The following KCNA2 variants were observed in gnomAD, a reference collection of about 807,000 sequenced individuals.
KCNA2 encodes potassium voltage-gated channel subfamily A member 2, also known as potassium channel, voltage gated shaker related subfamily A, member 2.
Under a neutral mutation model 33.4 loss-of-function variants are expected in KCNA2, and 11 were observed. The observed-to-expected ratio is 0.33, with a 90% CI of 0.21 to 0.55. The LOEUF is 0.55. Among genes scored for constraint, KCNA2 ranks in the 20% least tolerant of loss-of-function variants. KCNA2 has a pLI of 0.93. For synonymous variants in KCNA2, 222 were observed against 231.3 expected (o/e 0.96, Z 0.37); for missense variants, 291 against 621.6 (o/e 0.47, Z 5.66).
intron 1 of KCNA2, among the ~76,000 whole-genome samples, chr1:110,624,860 G>C (rs1650352061): frequency 6.6e-6 from 1 of 152,184 alleles, no homozygotes; most frequent in South Asian, 2.1e-4. Context: ...TCTTGGAGAT[G>C]GAGGTTGATA....
chr1:110,625,579 A>G (rs1306465094), intron 1 of KCNA2, among the ~76,000 whole-genome samples: 2 of 152,218 alleles, frequency 1.3e-5, no homozygotes, highest in Admixed American at 6.5e-5. Context: ...CTAAAGCCAT[A>G]AAACAAAAAA....
intron 1 of KCNA2, among the ~76,000 whole-genome samples, chr1:110,627,855 C>A (rs1162270268): frequency 6.6e-6 from 1 of 151,638 alleles, no homozygotes; most frequent in Non-Finnish European, 1.5e-5. Flanking sequence ...ATAATAATGC[C>A]AGGCTTGATG....
chr1:110,628,941 C>A (rs1376515540), intron 1 of KCNA2, among the ~76,000 whole-genome samples: 1 of 152,148 alleles, frequency 6.6e-6, no homozygotes, highest in Non-Finnish European at 1.5e-5. Flanking sequence ...AGAGCTGATT[C>A]CCCTGGGAAT....
intron 1 of KCNA2, among the ~76,000 whole-genome samples, chr1:110,629,910 G>A (rs997948238): frequency 4.0e-5 from 6 of 151,790 alleles, no homozygotes; most frequent in East Asian, 3.9e-4. Context: ...TTTATCATTT[G>A]AATTCATGTA....
rs544069515 is a variant in KCNA2, at chr1:110,598,992, C to A, written c.*4291G>T. ...CCACAGAGGCACTTGATGAAGCCAA[C>A]AGGAATGGTACCTTGACCTGGAAAC... On this transcript the variant is annotated 3_prime_UTR_variant, in exon 3 of 3. Coordinates refer to ENST00000316361, the MANE Select transcript of KCNA2 (RefSeq NM_004974.4). 4.1e-6 allele frequency: 4 copies of A among 985,396 alleles called. No homozygotes were observed. The East Asian group carries it at 3.4e-4, about 84-fold the overall frequency. The allele number at this position is 985,396 out of a possible 1,614,324, so 61.0% of individuals were successfully genotyped here.
rs1419829094 is a variant in KCNA2, at chr1:110,595,804, G to C, written c.*7479C>G. On this transcript the variant is annotated 3_prime_UTR_variant, in exon 3 of 3. Coordinates refer to ENST00000316361, the MANE Select transcript of KCNA2 (RefSeq NM_004974.4). Reference sequence around the variant, plus strand: ...TTGATTGCCACAAACCTCACCTTCTGTGTGGCAGAGATGTGCTTTAGTTCT... The same window carrying C: ...TTGATTGCCACAAACCTCACCTTCTCTGTGGCAGAGATGTGCTTTAGTTCT... The C allele has an allele frequency of 2.0e-6, 2 of 985,326 alleles. No homozygotes were observed. The highest frequency in any genetic ancestry group is 1.7e-5 in the African/African-American group (1 of 57,238). 61.0% of individuals were successfully genotyped at this position (985,326 alleles called of 1,614,324 possible).
At chr1:110,625,199 A>G (rs1322384493) in intron 1 of KCNA2, among the ~76,000 whole-genome samples, 4 of 152,186 alleles carry the variant, frequency 2.6e-5, no homozygotes, top group Non-Finnish European at 5.9e-5. Context: ...TAAATACATT[A>G]TTTGTAATGG....
At chr1:110,619,653 C>T (rs1276255235) in intron 1 of KCNA2, among the ~76,000 whole-genome samples, 1 of 152,238 alleles carries the variant, frequency 6.6e-6, no homozygotes, top group African/African-American at 2.4e-5. Context: ...GGCTTCTTAA[C>T]CAGCCGCGCC....
Position 110,596,004 on chromosome 1 carries a change from G to A in KCNA2, c.*7279C>T. Reference sequence around the variant, plus strand: ...CAGTGATGAGGTTATAGCCAACCAGGGCAGACAGAAGAAAGGCTAAAGCAC... The same window carrying A: ...CAGTGATGAGGTTATAGCCAACCAGAGCAGACAGAAGAAAGGCTAAAGCAC... On this transcript the variant is annotated 3_prime_UTR_variant, in exon 3 of 3. Coordinates refer to ENST00000316361, the MANE Select transcript of KCNA2 (RefSeq NM_004974.4). 2 of 985,370 alleles carry A rather than the reference G, an allele frequency of 2.0e-6. No individual in the cohort carries two copies. Among genetic ancestry groups the A allele is most frequent in the Non-Finnish European group, 2.4e-6 (2 of 829,910 alleles). 61.0% of individuals were successfully genotyped at this position (985,370 alleles called of 1,614,324 possible).
At position 110,598,220 on chromosome 1, in the gene KCNA2, C is replaced by A. The variant is rs1409439014; in HGVS notation, c.*5063G>T. 7.6e-6 allele frequency: 4 copies of A among 525,126 alleles called. No homozygotes were observed. Among genetic ancestry groups the A allele is most frequent in the Non-Finnish European group, 7.3e-6 (3 of 409,674 alleles). The allele number at this position is 525,126 out of a possible 1,614,324, so 32.5% of individuals were successfully genotyped here. A position where few individuals can be genotyped will look rare whatever the true frequency, so the allele number is the denominator to read the frequency against. On this transcript the variant is annotated 3_prime_UTR_variant, in exon 3 of 3. Transcript: ENST00000316361. ...GCCCTCGCAGATGAGGCGGCCATCA[C>A]CCACATACAAGTTATTATGACAATG...
chr1:110,596,183 A>G lies in KCNA2; in HGVS notation c.*7100T>C. On this transcript the variant is annotated 3_prime_UTR_variant, in exon 3 of 3. Transcript: ENST00000316361. ...AGAAAAAAAAAGAGTAGAACTGGAG[A>G]GGTGAAAAGAATGCAAAGGAGGTCA... 2 of 985,244 alleles carry G rather than the reference A, an allele frequency of 2.0e-6. No homozygotes were observed. Among genetic ancestry groups the G allele is most frequent in the Non-Finnish European group, 2.4e-6 (2 of 829,798 alleles). The allele number at this position is 985,244 out of a possible 1,614,324, so 61.0% of individuals were successfully genotyped here.
chr1:110,628,985 C>T (rs924049887), intron 1 of KCNA2, among the ~76,000 whole-genome samples: 1 of 152,186 alleles, frequency 6.6e-6, no homozygotes. Context: ...GGTTTTACCT[C>T]TTTCTTGGCA....
At chr1:110,629,824 CGA>C (rs1650499459) in intron 1 of KCNA2, among the ~76,000 whole-genome samples, 1 of 151,874 alleles carries the variant, frequency 6.6e-6, no homozygotes, top group African/African-American at 2.4e-5. Flanking sequence ...TTAATTAAGA[CGA>C]GAGAAAAACG....
chr1:110,607,441 G>C (rs1321737115), upstream of KCNA2: 2 of 152,322 alleles, frequency 1.3e-5, no homozygotes, highest in African/African-American at 2.4e-5. Flanking sequence ...CACCTGGCTC[G>C]ACGGCGAACT....
intron 1 of KCNA2, among the ~76,000 whole-genome samples, chr1:110,613,461 A>G (rs56360603): frequency 0.18 from 27,194 of 152,258 alleles, 3,470 homozygotes; most frequent in East Asian, 0.41. Context: ...GCAGATGCAC[A>G]GCCTCTATGG....
At chr1:110,630,974 G>A (rs760714695) in intron 1 of KCNA2, among the ~76,000 whole-genome samples, 1 of 152,152 alleles carries the variant, frequency 6.6e-6, no homozygotes, top group Non-Finnish European at 1.5e-5. Context: ...GATGGACAAC[G>A]CCCCGTGCAG....
At position 110,598,785 on chromosome 1, in the gene KCNA2, T is replaced by C. The variant is rs1389582493; in HGVS notation, c.*4498A>G. The stretch of plus-strand genomic sequence containing the variant: ...AGAAGAAGGAAGAGAGCATGTCAAA[T>C]ATTACTGAAGTTTCAGAAAGCACAG... On this transcript the variant is annotated 3_prime_UTR_variant, in exon 3 of 3. Coordinates refer to ENST00000316361, the MANE Select transcript of KCNA2 (RefSeq NM_004974.4). 1 of 985,286 alleles carries C rather than the reference T, an allele frequency of 1.0e-6. No individual in the cohort carries two copies. The highest frequency in any genetic ancestry group is 1.2e-6 in the Non-Finnish European group (1 of 829,902). 61.0% of individuals were successfully genotyped at this position (985,286 alleles called of 1,614,324 possible). A position where few individuals can be genotyped will look rare whatever the true frequency, so the allele number is the denominator to read the frequency against.
intron 1 of KCNA2, among the ~76,000 whole-genome samples, chr1:110,611,609 C>T (rs1284633122): frequency 6.6e-6 from 1 of 151,782 alleles, no homozygotes; most frequent in East Asian, 1.9e-4. Context: ...CCCTGTAGTT[C>T]CAGCTACTCG....
chr1:110,602,039 A>G lies in KCNA2; in HGVS notation c.*1244T>C, dbSNP rs12407942. On this transcript the variant is annotated 3_prime_UTR_variant, in exon 3 of 3. Transcript: ENST00000316361. ...CACTGGATCCACAGACCTGCCTGTCATCAGGACCAGATGCCCTGGTCCACT... is the reference window on the plus strand; with the variant it reads ...CACTGGATCCACAGACCTGCCTGTCGTCAGGACCAGATGCCCTGGTCCACT... The G allele has an allele frequency of 0.092, 143,390 of 1,550,168 alleles. 12,817 individuals carry two copies. Among genetic ancestry groups the G allele is most frequent in the East Asian group, 0.42 (17,380 of 40,896 alleles).
Sources: allele counts gnomAD v4.1 joint callset (sites outside exome capture counted in the v4.1 genomes callset), GRCh38; gene constraint gnomAD v4.1.1; transcripts MANE v1.5; gene names NCBI Gene and HGNC (gene_info 2026-07-23, HGNC 2026-07-21).